ANKFY1: variants seen among roughly 807,000 people sequenced by gnomAD.
ANKFY1 encodes ankyrin repeat and FYVE domain-containing protein 1.
Under a neutral mutation model 128.3 loss-of-function variants are expected in ANKFY1, and 47 were observed. The ratio of observed to expected loss-of-function variants is 0.37; its 90% CI spans 0.29 to 0.47. The LOEUF is 0.47. ANKFY1 is among the 20% of genes least tolerant of loss of function. ANKFY1 has a pLI of 1.00. For synonymous variants in ANKFY1, 553 were observed against 601.6 expected (o/e 0.92, Z 1.18); for missense variants, 1,222 against 1,510.6 (o/e 0.81, Z 3.17).
At chr17:4,254,759 G>C (rs949513661) in intron 1 of ANKFY1, among the ~76,000 whole-genome samples, 3 of 152,172 alleles carry the variant, frequency 2.0e-5, no homozygotes, top group Admixed American at 1.3e-4. Flanking sequence ...TGGAGTAAAA[G>C]GAAATGTACA....
intron 2 of ANKFY1, among the ~76,000 whole-genome samples, chr17:4,239,494 TAGC>T: frequency 6.6e-6 from 1 of 152,350 alleles, no homozygotes; most frequent in East Asian, 1.9e-4. Flanking sequence ...GCTAAGTTGA[TAGC>T]AGTTTTGAAT....
At position 4,189,397 on chromosome 17, in the gene ANKFY1, G is replaced by C; in HGVS notation, c.1455C>G (p.Asn485Lys). The C allele has an allele frequency of 1.9e-6, 3 of 1,585,770 alleles. No homozygotes were observed. The highest frequency in any genetic ancestry group is 2.6e-6 in the Non-Finnish European group (3 of 1,162,912). ...TCACACTTACCCACTTGTTTCTGTG[G>C]TTGACATGGGCACCGTTGGTTGCCA... The part of the protein sequence containing the change: ...LFLATNGAHV[N>K]HRNKWGETPL... Residue 485 changes from asparagine to lysine, a missense_variant, in exon 11 of 25, where the codon AAC becomes AAG. Physicochemically the swap from Asn to Lys is moderately conservative, Grantham distance 94. Transcript: ENST00000341657.
chr17:4,198,959 A>G (rs926806405), intron 7 of ANKFY1, among the ~76,000 whole-genome samples: 13 of 152,210 alleles, frequency 8.5e-5, no homozygotes, highest in African/African-American at 3.1e-4. Flanking sequence ...TGAGCCCAAG[A>G]GTTCAAGACC....
rs2143009758 is a variant in ANKFY1 at position 4,194,962 on chromosome 17, G to A, written c.1372+16C>T. 3 of 1,614,130 alleles carry A rather than the reference G, an allele frequency of 1.9e-6. No individual in the cohort carries two copies. Among genetic ancestry groups the A allele is most frequent in the East Asian group, 4.5e-5 (2 of 44,888 alleles). On this transcript the variant is annotated intron_variant, in intron 10 of 24. Transcript: ENST00000341657. ...GCAGACCCCAGCGTCGCCCCTTCGG[G>A]AGGCACGTGCTTTACCTGTCGCCGT...
chr17:4,259,620 T>C (rs1968300546), intron 1 of ANKFY1, among the ~76,000 whole-genome samples: 1 of 152,178 alleles, frequency 6.6e-6, no homozygotes, highest in Admixed American at 6.5e-5. Context: ...AAAAATGGGC[T>C]GGATGAAAAG....
chr17:4,222,232 A>C lies in ANKFY1; in HGVS notation c.323-5114T>G, dbSNP rs553591908. 5.5e-4 allele frequency: 180 copies of C among 327,702 alleles called. 1 individual carries two copies. Among genetic ancestry groups the C allele is most frequent in the African/African-American group, 3.8e-3 (170 of 44,538 alleles). 20.3% of individuals were successfully genotyped at this position (327,702 alleles called of 1,614,324 possible). A position where few individuals can be genotyped will look rare whatever the true frequency, so the allele number is the denominator to read the frequency against. On this transcript the variant is annotated intron_variant, in intron 3 of 24. Transcript: ENST00000341657. The stretch of plus-strand genomic sequence containing the variant: ...CGCCGCCGCCCCCGCCGCCCCGCGG[A>C]CCCCGGAGCTGCAGTCGGCGGCCGC...
At chr17:4,263,740 G>T in intron 1 of ANKFY1, 192 bp downstream of exon 1, 1 of 1,493,518 alleles carries the variant, frequency 6.7e-7, no homozygotes, top group Non-Finnish European at 8.8e-7. Flanking sequence ...TCGCGGGAGG[G>T]ACGTTGTCAT....
intron 19 of ANKFY1, among the ~76,000 whole-genome samples, chr17:4,175,506 C>A (rs1039290677): frequency 4.6e-5 from 7 of 152,274 alleles, no homozygotes; most frequent in Admixed American, 1.3e-4. Flanking sequence ...TACATGTAGT[C>A]TGTAGTCAGA....
chr17:4,180,180 C>T, intron 16 of ANKFY1: 1 of 316,214 alleles, frequency 3.2e-6, no homozygotes, highest in Non-Finnish European at 6.0e-6. Context: ...CTAATCCCAG[C>T]ACTTTGGGAG....
At chr17:4,255,913 G>GT (rs1324146916) in intron 1 of ANKFY1, among the ~76,000 whole-genome samples, 3 of 151,834 alleles carry the variant, frequency 2.0e-5, no homozygotes, top group Non-Finnish European at 4.4e-5. Flanking sequence ...CGCTTCCCAG[G>GT]TTCAAGCAAT....
chr17:4,175,952 T>A (rs4790180), intron 19 of ANKFY1, among the ~76,000 whole-genome samples: 144,172 of 152,226 alleles, frequency 0.95, 68,790 homozygotes, highest in East Asian at 1. Context: ...GAAGGCGGGG[T>A]CCTTGGTCAG....
chr17:4,235,621 CATTA>C, intron 3 of ANKFY1, 147 bp downstream of exon 3: 1 of 645,614 alleles, frequency 1.5e-6, no homozygotes, highest in South Asian at 1.9e-5. Flanking sequence ...CCTGCTGATT[CATTA>C]ATTATTTAAC....
chr17:4,257,305 C>T (rs1256092066), intron 1 of ANKFY1, among the ~76,000 whole-genome samples: 3 of 152,218 alleles, frequency 2.0e-5, no homozygotes, highest in Admixed American at 6.5e-5. Context: ...TCTTCCCAAT[C>T]CATCCTCTAC....
At chr17:4,225,530 A>G (rs2060410725) in intron 3 of ANKFY1, among the ~76,000 whole-genome samples, 1 of 152,208 alleles carries the variant, frequency 6.6e-6, no homozygotes. Flanking sequence ...TCAAAATGAA[A>G]TAAAAGGACA....
At chr17:4,223,569 CA>C in intron 3 of ANKFY1, 1 of 1,242,610 alleles carries the variant, frequency 8.0e-7, no homozygotes, top group Non-Finnish European at 1.2e-6. Context: ...AGTTTTCTAG[CA>C]CTAGTGATGT....
At position 4,236,159 on chromosome 17, in the gene ANKFY1, C is replaced by T. The variant is rs368428482; in HGVS notation, c.204-269G>A. On this transcript the variant is annotated intron_variant, in intron 2 of 24. Coordinates refer to ENST00000341657, the MANE Select transcript of ANKFY1 (RefSeq NM_001330063.2). Reference sequence around the variant, plus strand: ...AATACATCTTCTCATGGGATTCTTACGGTGGTGAACCTACAAGTTAAGTAG... The same window carrying T: ...AATACATCTTCTCATGGGATTCTTATGGTGGTGAACCTACAAGTTAAGTAG... 6.6e-5 allele frequency among the ~76,000 whole-genome samples: 10 copies of T among 152,216 alleles called. No homozygotes were observed. In the South Asian group the frequency reaches 1.2e-3, roughly 19 times the overall value.
At chr17:4,196,862 G>A (rs9915840) in intron 8 of ANKFY1, among the ~76,000 whole-genome samples, 129,377 of 152,214 alleles carry the variant, frequency 0.85, 58,174 homozygotes, top group South Asian at 0.99. Flanking sequence ...GCTCACGCCC[G>A]TAATCCCAGC....
rs77578919 is a variant in ANKFY1, at chr17:4,261,467, G to A, written c.10+2465C>T. ...TGCACTCCCGCCTGGGCAACAGAGCGAGACTCCCTCAAAAGGAAAGGGGAA... is the reference window on the plus strand; with the variant it reads ...TGCACTCCCGCCTGGGCAACAGAGCAAGACTCCCTCAAAAGGAAAGGGGAA... On this transcript the variant is annotated intron_variant, in intron 1 of 24. Transcript: ENST00000341657. Among the ~76,000 whole-genome samples the A allele has an allele frequency of 1.8e-3, 268 of 152,318 alleles. 2 individuals carry two copies. Among genetic ancestry groups the A allele is most frequent in the African/African-American group, 5.9e-3 (245 of 41,562 alleles).
intron 1 of ANKFY1, among the ~76,000 whole-genome samples, chr17:4,259,660 T>C (rs537998818): frequency 6.6e-6 from 1 of 152,288 alleles, no homozygotes; most frequent in Admixed American, 6.5e-5. Flanking sequence ...CAGACTTAGG[T>C]TATGCAGAGT....
Sources: allele counts gnomAD v4.1 joint callset (sites outside exome capture counted in the v4.1 genomes callset), GRCh38; gene constraint gnomAD v4.1.1; transcripts MANE v1.5; gene names NCBI Gene and HGNC (gene_info 2026-07-23, HGNC 2026-07-21).